The following MOB1A variants were observed in gnomAD, a reference collection of about 807,000 sequenced individuals.
The protein encoded by MOB1A is MOB kinase activator 1A.
A neutral mutation model predicts 25.1 loss-of-function variants in MOB1A; 10 were observed. The ratio of observed to expected loss-of-function variants is 0.40; its 90% CI spans 0.25 to 0.68. The LOEUF (loss-of-function observed/expected upper bound fraction) is 0.68. Among genes scored for constraint, MOB1A ranks in the 30% least tolerant of loss-of-function variants. MOB1A has a pLI of 0.40. For missense variants in MOB1A, 177 were observed against 256.3 expected, an observed-to-expected ratio of 0.69 and a Z score of 2.11; for synonymous variants, 81 against 79.5, an observed-to-expected ratio of 1.02 and a Z score of -0.10.
intron 2 of MOB1A, among the ~76,000 whole-genome samples, chr2:74,170,195 G>T (rs1169758770): frequency 6.6e-6 from 1 of 151,890 alleles, no homozygotes; most frequent in Non-Finnish European, 1.5e-5. Flanking sequence ...AGGCTATAGT[G>T]CAGTGGCACA....
chr2:74,176,083 T>TAAACACACACACACAC (rs1358627675), intron 1 of MOB1A, among the ~76,000 whole-genome samples: 11 of 129,320 alleles, frequency 8.5e-5, no homozygotes, highest in African/African-American at 3.4e-4. Flanking sequence ...CCGCCTCTAC[T>TAAACACACACACACAC]ACACACACAC....
chr2:74,177,440 A>C (rs1162625057), intron 1 of MOB1A, among the ~76,000 whole-genome samples: 10 of 152,224 alleles, frequency 6.6e-5, no homozygotes, highest in Admixed American at 6.5e-4. Flanking sequence ...GTAAGAAAAA[A>C]GTGGAGGAGG....
intron 2 of MOB1A, among the ~76,000 whole-genome samples, chr2:74,170,722 C>T (rs1179845015): frequency 1.3e-5 from 1 of 77,768 alleles, no homozygotes; most frequent in Non-Finnish European, 2.4e-5. Flanking sequence ...AAGATTCCAT[C>T]TCAAAAAAAA....
intron 1 of MOB1A, 87 bp downstream of exon 1, chr2:74,178,574 C>T (rs953192561): frequency 8.0e-6 from 8 of 1,000,890 alleles, no homozygotes; most frequent in African/African-American, 1.7e-5. Flanking sequence ...CCTCGGCCCC[C>T]AGGCCGAGCC....
intron 1 of MOB1A, among the ~76,000 whole-genome samples, chr2:74,174,505 A>G (rs1055509576): frequency 2.6e-5 from 4 of 152,138 alleles, no homozygotes; most frequent in Non-Finnish European, 4.4e-5. Context: ...AAAATATTTG[A>G]GACGCCTTGA....
intron 3 of MOB1A, among the ~76,000 whole-genome samples, chr2:74,166,362 T>C (rs959793870): frequency 1.3e-5 from 2 of 152,158 alleles, no homozygotes; most frequent in African/African-American, 4.8e-5. Context: ...GAAATTCATT[T>C]AAAAACTAGA....
intron 1 of MOB1A, chr2:74,177,984 T>C (rs1693524885): frequency 6.6e-6 from 1 of 151,410 alleles, no homozygotes; most frequent in Non-Finnish European, 1.5e-5. Context: ...TGCACTAAAA[T>C]GGCAATACTG....
In MOB1A at chr2:74,176,083, T is replaced by TACACACACACAC. The variant is rs58496712; in HGVS notation, c.14+2566_14+2577dup. Among the ~76,000 whole-genome samples, 1,097 of 129,296 alleles carry TACACACACACAC rather than the reference T, an allele frequency of 8.5e-3. 16 individuals are homozygous for TACACACACACAC. The highest frequency in any genetic ancestry group is 0.025 in the African/African-American group (803 of 32,560). The allele number at this position is 129,296 out of a possible 152,430, so 84.8% of individuals were successfully genotyped here. ...CAACATAGTGAAACCCCGCCTCTACTACACACACACACACACACACACACA... is the reference window on the plus strand; with the variant it reads ...CAACATAGTGAAACCCCGCCTCTACTACACACACACACACACACACACACACACACACACACA... On this transcript the variant is annotated intron_variant, in intron 1 of 5. Coordinates refer to ENST00000396049, the MANE Select transcript of MOB1A (RefSeq NM_018221.5).
At position 74,158,024 on chromosome 2, in the gene MOB1A, A is replaced by T. The variant is rs114624092; in HGVS notation, c.573+1067T>A. 3.6e-3 allele frequency among the ~76,000 whole-genome samples: 554 copies of T among 152,002 alleles called. 3 individuals are homozygous for T. Among genetic ancestry groups the T allele is most frequent in the African/African-American group, 0.013 (535 of 41,418 alleles). ...TGGTGAAACCCCATTTCTAGTAAAC[A>T]TAAAAATTAGCCGGGCGTGGTGGCA... On this transcript the variant is annotated intron_variant, in intron 5 of 5. Transcript: ENST00000396049.
rs1358627675 is a variant in MOB1A, at chr2:74,176,083, T to TAAACACACAC, written c.14+2577_14+2578insGTGTGTGTTT. Among the ~76,000 whole-genome samples the TAAACACACAC allele has an allele frequency of 6.0e-3, 780 of 129,298 alleles. 7 individuals are homozygous for TAAACACACAC. Among genetic ancestry groups the TAAACACACAC allele is most frequent in the African/African-American group, 0.023 (755 of 32,556 alleles). 84.8% of individuals were successfully genotyped at this position (129,298 alleles called of 152,430 possible). A position where few individuals can be genotyped will look rare whatever the true frequency, so the allele number is the denominator to read the frequency against. On this transcript the variant is annotated intron_variant, in intron 1 of 5. Coordinates refer to ENST00000396049, the MANE Select transcript of MOB1A (RefSeq NM_018221.5). ...CAACATAGTGAAACCCCGCCTCTAC[T>TAAACACACAC]ACACACACACACACACACACACACA...
chr2:74,175,067 C>G (rs1396081173), intron 1 of MOB1A, among the ~76,000 whole-genome samples: 2 of 152,216 alleles, frequency 1.3e-5, no homozygotes, highest in African/African-American at 2.4e-5. Context: ...TACAGCTGCT[C>G]CCCATTGCTG....
At chr2:74,169,551 AAC>A (rs1693223951) in intron 2 of MOB1A, among the ~76,000 whole-genome samples, 1 of 152,152 alleles carries the variant, frequency 6.6e-6, no homozygotes, top group South Asian at 2.1e-4. Flanking sequence ...TTTAATTTCC[AAC>A]AGAGTATCAC....
chr2:74,174,808 G>T (rs1193495507), intron 1 of MOB1A, among the ~76,000 whole-genome samples: 1 of 152,194 alleles, frequency 6.6e-6, no homozygotes, highest in Non-Finnish European at 1.5e-5. Context: ...AACTCGTTAA[G>T]AATATAAGGA....
chr2:74,170,615 G>A (rs1053234751), intron 2 of MOB1A, among the ~76,000 whole-genome samples: 1 of 148,668 alleles, frequency 6.7e-6, no homozygotes, highest in Non-Finnish European at 1.5e-5. Flanking sequence ...GGCACCTGTA[G>A]TCCCAGCTAC....
At chr2:74,168,692 T>C (rs1395626380) in intron 2 of MOB1A, among the ~76,000 whole-genome samples, 1 of 152,186 alleles carries the variant, frequency 6.6e-6, no homozygotes, top group Non-Finnish European at 1.5e-5. Context: ...TAAAAACAAC[T>C]AGGTATTTTC....
rs1692886152 is a variant in MOB1A, at chr2:74,159,096, C to T, written c.568G>A (p.Val190Ile). Residue 190 changes from valine to isoleucine, a missense_variant, in exon 5 of 6, where the codon GTT (valine) becomes ATT (isoleucine). Val to Ile is a conservative substitution (Grantham distance 29). Transcript: ENST00000396049. ...NTSFKHFIFF[V>I]QEFNLIDRRE... ...ATCAACATGGATCAACTTACCTGAA[C>T]AAAGAAAATAAAGTGCTTAAAGGAG... is the stretch of plus-strand genomic sequence containing the variant. 1.9e-6 allele frequency: 3 copies of T among 1,613,432 alleles called. No homozygotes were observed. The highest frequency in any genetic ancestry group is 1.7e-6 in the Non-Finnish European group (2 of 1,179,778).
chr2:74,159,083 C>T lies in MOB1A; in HGVS notation c.573+8G>A, dbSNP rs1329992717. 2 of 1,613,106 alleles carry T rather than the reference C, an allele frequency of 1.2e-6. No individual in the cohort carries two copies. The highest frequency in any genetic ancestry group is 1.7e-6 in the Non-Finnish European group (2 of 1,179,610). ...ACAGGACACAGAAATCAACATGGAT[C>T]AACTTACCTGAACAAAGAAAATAAA... On this transcript the variant is annotated splice_region_variant and intron_variant, in intron 5 of 5. Transcript: ENST00000396049.
intron 4 of MOB1A, among the ~76,000 whole-genome samples, chr2:74,162,575 T>C (rs1310275775): frequency 1.3e-5 from 2 of 152,180 alleles, no homozygotes; most frequent in Non-Finnish European, 2.9e-5. Flanking sequence ...GTAATTTGTT[T>C]AAATCTAAAC....
Position 74,156,548 on chromosome 2 carries a change from C to G in MOB1A, c.*20G>C, listed in dbSNP as rs368812032. On this transcript the variant is annotated 3_prime_UTR_variant, in exon 6 of 6. Transcript: ENST00000396049. ...AGCAATAGATGAAGCAAGGGGGTAA[C>G]TGTGTTCTAGAAGAAACATTTATCT... 12 of 1,516,168 alleles carry G rather than the reference C, an allele frequency of 7.9e-6. No homozygotes were observed. The highest frequency in any genetic ancestry group is 2.0e-5 in the Admixed American group (1 of 50,890). 93.9% of individuals were successfully genotyped at this position (1,516,168 alleles called of 1,614,324 possible).
Sources: allele counts gnomAD v4.1 joint callset (sites outside exome capture counted in the v4.1 genomes callset), GRCh38; gene constraint gnomAD v4.1.1; transcripts MANE v1.5; gene names NCBI Gene and HGNC (gene_info 2026-07-23, HGNC 2026-07-21).